Variants in WDPCP observed in about 807,000 individuals in gnomAD.
The protein encoded by WDPCP is WD repeat containing planar cell polarity effector, also known as WD repeat-containing and planar cell polarity effector protein fritz homolog.
WDPCP carries 71 observed loss-of-function variants against 93.1 expected under a neutral mutation model. That is an observed-to-expected ratio of 0.76 (90% CI 0.63 to 0.93). WDPCP has a LOEUF of 0.93. WDPCP is among the 40% of genes least tolerant of loss of function. The pLI is 0.00. For missense variants in WDPCP, 844 were observed against 887.4 expected, an observed-to-expected ratio of 0.95 and a Z score of 0.62; for synonymous variants, 315 against 315.0, an observed-to-expected ratio of 1.00 and a Z score of 0.00.
At chr2:63,175,404 AC>A (rs1673732349) in intron 14 of WDPCP, among the ~76,000 whole-genome samples, 3 of 117,204 alleles carry the variant, frequency 2.6e-5, no homozygotes, top group African/African-American at 8.6e-5. Flanking sequence ...AGAAACATAA[AC>A]CTTATTAAAA....
chr2:63,176,940 G>A (rs949130539), intron 14 of WDPCP, among the ~76,000 whole-genome samples: 2 of 152,046 alleles, frequency 1.3e-5, no homozygotes, highest in African/African-American at 2.4e-5. Context: ...TTTGTTTGTG[G>A]TGTAACAAAA....
intron 13 of WDPCP, among the ~76,000 whole-genome samples, chr2:63,295,765 T>TA (rs1380682725): frequency 3.2e-5 from 3 of 92,320 alleles, no homozygotes; most frequent in South Asian, 4.4e-4. Context: ...GAATCAGTAA[T>TA]AAAAAAATCT....
intron 14 of WDPCP, among the ~76,000 whole-genome samples, chr2:63,193,729 TA>T (rs1423410472): frequency 6.6e-6 from 1 of 152,204 alleles, no homozygotes; most frequent in Non-Finnish European, 1.5e-5. Flanking sequence ...ATATATAAGC[TA>T]AGTGATTTTT....
chr2:63,211,497 A>G (rs1207996283), intron 14 of WDPCP, among the ~76,000 whole-genome samples: 7 of 152,226 alleles, frequency 4.6e-5, no homozygotes, highest in Non-Finnish European at 2.9e-5. Flanking sequence ...AGATAAAACC[A>G]CAAAGATAGG....
At chr2:63,555,525 G>A (rs868721810) in intron 1 of WDPCP, among the ~76,000 whole-genome samples, 5 of 152,184 alleles carry the variant, frequency 3.3e-5, no homozygotes, top group Non-Finnish European at 7.4e-5. Context: ...CCCGGATCCC[G>A]TGCCTCCTGA....
intron 2 of WDPCP, chr2:63,684,833 A>G: frequency 3.0e-6 from 1 of 328,550 alleles, no homozygotes. Context: ...TTTGGAAACT[A>G]TACAATCACA....
chr2:63,662,870 C>T (rs1449206634), intron 2 of WDPCP, among the ~76,000 whole-genome samples: 2 of 152,198 alleles, frequency 1.3e-5, no homozygotes, highest in East Asian at 1.9e-4. Flanking sequence ...TGAAAATATT[C>T]ATGGAGAATT....
chr2:63,477,569 C>A (rs76097307), intron 6 of WDPCP, among the ~76,000 whole-genome samples: 13 of 152,064 alleles, frequency 8.5e-5, no homozygotes, highest in Non-Finnish European at 2.9e-5. Flanking sequence ...ACACACAGAG[C>A]AGCACGTGGG....
intron 12 of WDPCP, among the ~76,000 whole-genome samples, chr2:63,347,399 A>G (rs190481448): frequency 2.0e-5 from 3 of 152,280 alleles, no homozygotes; most frequent in African/African-American, 7.2e-5. Flanking sequence ...TTAACTGGGC[A>G]TTCTGTATTT....
At chr2:63,374,546 C>T (rs532965912) in intron 12 of WDPCP, among the ~76,000 whole-genome samples, 54 of 152,014 alleles carry the variant, frequency 3.6e-4, no homozygotes, top group Non-Finnish European at 6.5e-4. Flanking sequence ...GCTCTATCAG[C>T]GAAAAGTATA....
intron 1 of WDPCP, among the ~76,000 whole-genome samples, chr2:63,550,876 C>T (rs1318464849): frequency 6.6e-6 from 1 of 151,878 alleles, no homozygotes; most frequent in Non-Finnish European, 1.5e-5. Flanking sequence ...TTCCTTATAA[C>T]GTTACTTACC....
At chr2:63,617,011 G>A (rs1469387973) in intron 3 of WDPCP, among the ~76,000 whole-genome samples, 1 of 152,194 alleles carries the variant, frequency 6.6e-6, no homozygotes, top group Non-Finnish European at 1.5e-5. Context: ...TGCAAACCAG[G>A]AGCTTTTGCC....
At chr2:63,292,132 CAAAAAAAA>C (rs58370764) in intron 13 of WDPCP, among the ~76,000 whole-genome samples, 3 of 83,388 alleles carry the variant, frequency 3.6e-5, no homozygotes, top group African/African-American at 9.4e-5. Context: ...GACTCCGGCT[CAAAAAAAA>C]AAAAAAAAAA....
chr2:63,643,886 T>A, intron 3 of WDPCP: 3 of 530,064 alleles, frequency 5.7e-6, no homozygotes, highest in South Asian at 4.2e-5. Flanking sequence ...TGTCAAGGCA[T>A]ACTTAAGTCT....
chr2:63,755,694 A>G (rs1669957621), intron 2 of WDPCP, among the ~76,000 whole-genome samples: 1 of 152,236 alleles, frequency 6.6e-6, no homozygotes, highest in Non-Finnish European at 1.5e-5. Context: ...TAAAAATCCA[A>G]CATCTTAGTC....
chr2:63,439,956 TTA>T, intron 6 of WDPCP, 85 bp from the exon 7 acceptor site: 1 of 1,004,938 alleles, frequency 1.0e-6, no homozygotes, highest in Non-Finnish European at 1.6e-6. Context: ...AATATACAAC[TTA>T]TACAGATATT....
chr2:63,752,310 C>CAACA (rs1669895707), intron 2 of WDPCP: 1 of 822,048 alleles, frequency 1.2e-6, no homozygotes, highest in African/African-American at 1.7e-5. Flanking sequence ...TTAATGCCAG[C>CAACA]AACAAATACC....
chr2:63,704,007 G>T (rs192928062), intron 2 of WDPCP, among the ~76,000 whole-genome samples: 2,541 of 152,150 alleles, frequency 0.017, 22 homozygotes, highest in African/African-American at 0.018. Context: ...CCTTGAAGAG[G>T]TCCTTCATGT....
chr2:63,379,648 C>T (rs1009454347), intron 11 of WDPCP, among the ~76,000 whole-genome samples: 1 of 152,146 alleles, frequency 6.6e-6, no homozygotes, highest in Non-Finnish European at 1.5e-5. Context: ...ACTCCCAGCA[C>T]AGCTGTAGAT....
Sources: allele counts gnomAD v4.1 joint callset (sites outside exome capture counted in the v4.1 genomes callset), GRCh38; gene constraint gnomAD v4.1.1; transcripts MANE v1.5; gene names NCBI Gene and HGNC (gene_info 2026-07-23, HGNC 2026-07-21).